The following OSBPL11 variants were observed in gnomAD, a reference collection of about 807,000 sequenced individuals.
OSBPL11 encodes oxysterol binding protein like 11.
OSBPL11 carries 33 observed loss-of-function variants against 84.4 expected under a neutral mutation model. The ratio of observed to expected loss-of-function variants is 0.39; its 90% CI spans 0.30 to 0.52. The LOEUF (loss-of-function observed/expected upper bound fraction) is 0.52, where lower values mean the gene tolerates loss of function less well. Among genes scored for constraint, OSBPL11 ranks in the 20% least tolerant of loss-of-function variants. OSBPL11 has a pLI of 0.72. For synonymous variants in OSBPL11, 276 were observed against 310.2 expected (o/e 0.89, Z 1.16); for missense variants, 736 against 901.1 (o/e 0.82, Z 2.35).
At chr3:125,548,214 G>T (rs1457806340) in intron 9 of OSBPL11, among the ~76,000 whole-genome samples, 1 of 152,048 alleles carries the variant, frequency 6.6e-6, no homozygotes, top group Non-Finnish European at 1.5e-5. Context: ...CCTTCAGTCA[G>T]AGTTTAAGAC....
chr3:125,576,058 T>C (rs1936317085), intron 5 of OSBPL11, 131 bp downstream of exon 5: 1 of 761,608 alleles, frequency 1.3e-6, no homozygotes, highest in East Asian at 2.9e-5. Context: ...GACTTAAAAA[T>C]TATCTCAGCA....
chr3:125,547,388 T>A lies in OSBPL11; in HGVS notation c.1841+18A>T, dbSNP rs770171612. The A allele has an allele frequency of 2.5e-6, 4 of 1,598,358 alleles. No homozygotes were observed. In the East Asian group the frequency reaches 9.0e-5, roughly 36 times the overall value. On this transcript the variant is annotated intron_variant, in intron 10 of 12. Coordinates refer to ENST00000296220, the MANE Select transcript of OSBPL11 (RefSeq NM_022776.5). ...AAGTGGAAGAATAAGAACTAGATAA[T>A]CATTAAAATGTTCTTACCGATGCAG...
intron 1 of OSBPL11, among the ~76,000 whole-genome samples, chr3:125,589,129 G>A (rs1347949478): frequency 4.6e-5 from 7 of 152,072 alleles, no homozygotes; most frequent in African/African-American, 1.2e-4. Flanking sequence ...CAGGCAGATC[G>A]CCTGAGGTCA....
chr3:125,572,906 A>C (rs1936263486), intron 5 of OSBPL11, among the ~76,000 whole-genome samples: 2 of 141,568 alleles, frequency 1.4e-5, no homozygotes, highest in South Asian at 4.3e-4. Context: ...TACATATTAT[A>C]AAGTGTGTGT....
At position 125,594,890 on chromosome 3, in the gene OSBPL11, G is replaced by A; in HGVS notation, c.-90C>T. ...ACTTTTTTTTTTTAAGATTTGATCT[G>A]AATATGATACCGGTTGCTAAATCAC... On this transcript the variant is annotated 5_prime_UTR_variant, in exon 1 of 13. Coordinates refer to ENST00000296220, the MANE Select transcript of OSBPL11 (RefSeq NM_022776.5). 7.1e-7 allele frequency: 1 copy of A among 1,413,204 alleles called. No homozygotes were observed. Among genetic ancestry groups the A allele is most frequent in the Non-Finnish European group, 9.6e-7 (1 of 1,042,918 alleles). The allele number at this position is 1,413,204 out of a possible 1,614,324, so 87.5% of individuals were successfully genotyped here.
At chr3:125,544,670 G>GC (rs1248656863) in intron 10 of OSBPL11, among the ~76,000 whole-genome samples, 4 of 152,134 alleles carry the variant, frequency 2.6e-5, no homozygotes, top group African/African-American at 9.7e-5. Context: ...TAGGATTTGA[G>GC]CAGATCAGAA....
In OSBPL11 at chr3:125,576,373, A is replaced by G. The variant is rs760191359; in HGVS notation, c.490-8T>C. 1.3e-6 allele frequency: 2 copies of G among 1,543,746 alleles called. No individual in the cohort carries two copies. The highest frequency in any genetic ancestry group is 1.4e-5 in the African/African-American group (1 of 70,544). On this transcript the variant is annotated splice_polypyrimidine_tract_variant and splice_region_variant and intron_variant, in intron 4 of 12. Coordinates refer to ENST00000296220, the MANE Select transcript of OSBPL11 (RefSeq NM_022776.5). The stretch of plus-strand genomic sequence containing the variant: ...CTTCAGAGGAGGATTATTCTGTTAG[A>G]CAAAGAAAATCATTCCTTTTGTTTT...
At chr3:125,543,446 A>C (rs1049836294) in intron 10 of OSBPL11, among the ~76,000 whole-genome samples, 2 of 152,060 alleles carry the variant, frequency 1.3e-5, no homozygotes, top group African/African-American at 4.8e-5. Flanking sequence ...AAGATATTTT[A>C]GATAATATTT....
intron 1 of OSBPL11, among the ~76,000 whole-genome samples, chr3:125,593,150 C>T (rs1285719420): frequency 2.0e-5 from 3 of 152,168 alleles, no homozygotes; most frequent in African/African-American, 4.8e-5. Flanking sequence ...AGGGCCGCGG[C>T]GGCGCCCCAC....
At chr3:125,547,654 C>A in intron 9 of OSBPL11, 62 bp from the exon 10 acceptor site, 1 of 1,315,048 alleles carries the variant, frequency 7.6e-7, no homozygotes, top group Non-Finnish European at 1.0e-6. Context: ...TGAAACAATC[C>A]ATATTAATTT....
At chr3:125,552,817 T>C in intron 8 of OSBPL11, 138 bp from the exon 9 acceptor site, 1 of 1,114,476 alleles carries the variant, frequency 9.0e-7, no homozygotes, top group Admixed American at 2.7e-5. Context: ...TTCAGTCACA[T>C]TAAAAAATAA....
chr3:125,576,859 T>C (rs1559846048), intron 4 of OSBPL11, among the ~76,000 whole-genome samples: 2 of 152,186 alleles, frequency 1.3e-5, no homozygotes. Context: ...AATTTTTGTA[T>C]GTTTAGTAGA....
chr3:125,554,078 G>A (rs1048091977), intron 8 of OSBPL11, among the ~76,000 whole-genome samples: 1 of 152,144 alleles, frequency 6.6e-6, no homozygotes, highest in African/African-American at 2.4e-5. Flanking sequence ...AAAAATAACT[G>A]AGTAAAATCT....
chr3:125,531,347 A>G (rs1467465755), intron 12 of OSBPL11, among the ~76,000 whole-genome samples: 1 of 144,598 alleles, frequency 6.9e-6, no homozygotes, highest in African/African-American at 2.6e-5. Flanking sequence ...GCTGGAGTGC[A>G]ATGGCGCAAT....
intron 12 of OSBPL11, among the ~76,000 whole-genome samples, chr3:125,531,140 G>A (rs572875750): frequency 1.4e-5 from 2 of 146,238 alleles, no homozygotes; most frequent in African/African-American, 5.1e-5. Context: ...TGCCATACCC[G>A]GCTAATTTTT....
rs575812761 is a variant in OSBPL11 at position 125,564,254 on chromosome 3, T to G, written c.869-411A>C. On this transcript the variant is annotated intron_variant, in intron 6 of 12. Transcript: ENST00000296220. ...GTGAAACAGTAAGATTTGTTTCAATTTGGGATCGAGTCTTACTCTCAGCAA... is the reference window on the plus strand; with the variant it reads ...GTGAAACAGTAAGATTTGTTTCAATGTGGGATCGAGTCTTACTCTCAGCAA... Among the ~76,000 whole-genome samples the G allele has an allele frequency of 2.0e-5, 3 of 152,358 alleles. No individual in the cohort carries two copies. The East Asian group carries it at 5.8e-4, about 29-fold the overall frequency.
rs878958559 is a variant in OSBPL11, at chr3:125,538,377, C to A, written c.2024+74G>T. The A allele has an allele frequency of 7.7e-6, 11 of 1,429,046 alleles. No individual in the cohort carries two copies. The South Asian group carries it at 1.3e-4, about 17-fold the overall frequency. The allele number at this position is 1,429,046 out of a possible 1,614,324, so 88.5% of individuals were successfully genotyped here. A position where few individuals can be genotyped will look rare whatever the true frequency, so the allele number is the denominator to read the frequency against. ...CTGTGAAGTGACTTGGCCAAGGTCA[C>A]CAGTTAGTGAAAAGGCTTAGATTAA... On this transcript the variant is annotated intron_variant, in intron 11 of 12. Coordinates refer to ENST00000296220, the MANE Select transcript of OSBPL11 (RefSeq NM_022776.5).
rs185959870 is a variant in OSBPL11, at chr3:125,532,162, G to A, written c.2025-148C>T. 3.4e-4 allele frequency: 255 copies of A among 743,006 alleles called. No homozygotes were observed. In the African/African-American group the frequency reaches 3.9e-3, roughly 11 times the overall value. 46.0% of individuals were successfully genotyped at this position (743,006 alleles called of 1,614,324 possible). A position where few individuals can be genotyped will look rare whatever the true frequency, so the allele number is the denominator to read the frequency against. On this transcript the variant is annotated intron_variant, in intron 11 of 12. Coordinates refer to ENST00000296220, the MANE Select transcript of OSBPL11 (RefSeq NM_022776.5). ...CATGCTTATGAATTCCAAGAATAACGATACTGTGCTGCTGATGGTTATGTC... is the reference window on the plus strand; with the variant it reads ...CATGCTTATGAATTCCAAGAATAACAATACTGTGCTGCTGATGGTTATGTC...
intron 10 of OSBPL11, among the ~76,000 whole-genome samples, chr3:125,543,660 A>G (rs534305617): frequency 5.1e-4 from 77 of 152,106 alleles, no homozygotes; most frequent in East Asian, 1.2e-3. Flanking sequence ...CAGCACTTTG[A>G]GAGGCCAAGG....
Sources: allele counts gnomAD v4.1 joint callset (sites outside exome capture counted in the v4.1 genomes callset), GRCh38; gene constraint gnomAD v4.1.1; transcripts MANE v1.5; gene names NCBI Gene and HGNC (gene_info 2026-07-23, HGNC 2026-07-21).